MCTP2: variants seen among roughly 807,000 people sequenced by gnomAD.
MCTP2 encodes the protein multiple C2 and transmembrane domain containing 2, also known as multiple C2 and transmembrane domain-containing protein 2.
MCTP2 carries 132 observed loss-of-function variants against 111.6 expected under a neutral mutation model. That is an observed-to-expected ratio of 1.18 (90% CI 1.03 to 1.37). MCTP2 has a LOEUF of 1.37. MCTP2 is among the 40% of genes most tolerant of loss of function. The pLI is 0.00. For missense variants in MCTP2, 1,183 were observed against 1,067.9 expected, an observed-to-expected ratio of 1.11 and a Z score of -1.50; for synonymous variants, 395 against 387.7, an observed-to-expected ratio of 1.02 and a Z score of -0.22.
At chr15:94,395,577 T>C (rs1185539503) in intron 14 of MCTP2, among the ~76,000 whole-genome samples, 1 of 152,190 alleles carries the variant, frequency 6.6e-6, no homozygotes, top group Non-Finnish European at 1.5e-5. Context: ...CATGCTCACC[T>C]CTGTTATATG....
At chr15:94,468,381 G>A (rs2073594936) in intron 20 of MCTP2, among the ~76,000 whole-genome samples, 1 of 152,000 alleles carries the variant, frequency 6.6e-6, no homozygotes, top group Non-Finnish European at 1.5e-5. Context: ...TTAACTTGAA[G>A]AGATAAAGGT....
At chr15:94,235,259 A>G (rs2152207420) in intron 1 of MCTP2, among the ~76,000 whole-genome samples, 1 of 152,008 alleles carries the variant, frequency 6.6e-6, no homozygotes, top group South Asian at 2.1e-4. Flanking sequence ...CGTCTCAAAA[A>G]AAAAAAAAAA....
rs1368938012 is a variant in MCTP2 at position 94,476,704 on chromosome 15, AAATT to A, written c.2480_2483del (p.Lys827IlefsTer17). The A allele has an allele frequency of 6.4e-7, 1 of 1,572,768 alleles. No homozygotes were observed. The highest frequency in any genetic ancestry group is 1.1e-5 in the South Asian group (1 of 90,116). Reference sequence around the variant, plus strand: ...GTGTTTCTATTTTTCAGGCATAAATAAATTTACTAAGAAGCTTCGAAATCCCTAT... The same window carrying A: ...GTGTTTCTATTTTTCAGGCATAAATATACTAAGAAGCTTCGAAATCCCTAT... On this transcript the variant is annotated frameshift_variant, in exon 22 of 23. Coordinates refer to ENST00000357742, the MANE Select transcript of MCTP2 (RefSeq NM_001385001.1). LOFTEE classifies it high-confidence loss of function.
intron 7 of MCTP2, chr15:94,341,127 A>G (rs113714871): frequency 7.4e-5 from 38 of 513,162 alleles, no homozygotes; most frequent in African/African-American, 4.6e-4. Context: ...TTTGTTAAGG[A>G]ATTATTTCTT....
chr15:94,245,420 GTGTGTATATA>G (rs1567265287), intron 1 of MCTP2, among the ~76,000 whole-genome samples: 40 of 76,770 alleles, frequency 5.2e-4, no homozygotes, highest in African/African-American at 1.8e-3. Flanking sequence ...TTATATACAT[GTGTGTATATA>G]TTTATATATA....
intron 21 of MCTP2, among the ~76,000 whole-genome samples, chr15:94,476,039 A>G (rs1178780958): frequency 6.6e-6 from 1 of 152,240 alleles, no homozygotes; most frequent in African/African-American, 2.4e-5. Flanking sequence ...TTTGCCAATA[A>G]TAACTTTTCA....
At position 94,388,977 on chromosome 15, in the gene MCTP2, G is replaced by T. The variant is rs2080693494; in HGVS notation, c.1788+3452G>T. Among the ~76,000 whole-genome samples, 4 of 152,174 alleles carry T rather than the reference G, an allele frequency of 2.6e-5. No homozygotes were observed. The South Asian group carries it at 8.3e-4, about 32-fold the overall frequency. Reference sequence around the variant, plus strand: ...ACTGTGCTATGTGCCGTCAGGGTCGGGGTTGGGGGGTGGCAGGAGGGACAC... The same window carrying T: ...ACTGTGCTATGTGCCGTCAGGGTCGTGGTTGGGGGGTGGCAGGAGGGACAC... On this transcript the variant is annotated intron_variant, in intron 14 of 22. Transcript: ENST00000357742.
chr15:94,416,065 A>C (rs184744136), intron 17 of MCTP2, among the ~76,000 whole-genome samples: 1 of 152,180 alleles, frequency 6.6e-6, no homozygotes, highest in Admixed American at 6.6e-5. Context: ...CTTGCATTCC[A>C]CCTCGAGCAT....
chr15:94,275,878 C>T (rs1185358474), intron 1 of MCTP2, among the ~76,000 whole-genome samples: 9 of 138,326 alleles, frequency 6.5e-5, no homozygotes, highest in Non-Finnish European at 1.1e-4. Flanking sequence ...GATGGAGTCT[C>T]GCTCTGTTTC....
At chr15:94,397,285 A>G (rs2081326888) in intron 14 of MCTP2, among the ~76,000 whole-genome samples, 1 of 152,208 alleles carries the variant, frequency 6.6e-6, no homozygotes, top group South Asian at 2.1e-4. Flanking sequence ...CCAAATTAAA[A>G]AATCCCTTTG....
At chr15:94,399,231 C>G (rs1315164712) in intron 15 of MCTP2, among the ~76,000 whole-genome samples, 169 bp downstream of exon 15, 1 of 152,194 alleles carries the variant, frequency 6.6e-6, no homozygotes, top group Non-Finnish European at 1.5e-5. Context: ...CCCTCATCTC[C>G]TGCTTTCTTC....
chr15:94,477,022 C>T (rs1191959290), intron 22 of MCTP2, among the ~76,000 whole-genome samples: 1 of 152,180 alleles, frequency 6.6e-6, no homozygotes, highest in Non-Finnish European at 1.5e-5. Flanking sequence ...ATCTGGAACT[C>T]ACACTGTGTG....
intron 1 of MCTP2, among the ~76,000 whole-genome samples, chr15:94,288,304 T>C (rs2074860045): frequency 1.3e-5 from 2 of 152,192 alleles, no homozygotes; most frequent in Admixed American, 1.3e-4. Context: ...TGGGAAATGA[T>C]CAAATACATT....
At chr15:94,454,571 A>T (rs895815973) in intron 19 of MCTP2, among the ~76,000 whole-genome samples, 12 of 150,094 alleles carry the variant, frequency 8.0e-5, no homozygotes, top group African/African-American at 3.0e-4. Flanking sequence ...CAGTTAACTT[A>T]AACATTCTCC....
intron 17 of MCTP2, among the ~76,000 whole-genome samples, chr15:94,423,297 C>T (rs1670886538): frequency 6.6e-6 from 1 of 152,158 alleles, no homozygotes; most frequent in Non-Finnish European, 1.5e-5. Context: ...TTACCATTCC[C>T]ATTTCACAGA....
chr15:94,298,580 G>C lies in MCTP2; in HGVS notation c.315G>C (p.Trp105Cys), dbSNP rs758805407. 6.2e-7 allele frequency: 1 copy of C among 1,614,134 alleles called. No individual in the cohort carries two copies. The highest frequency in any genetic ancestry group is 1.1e-5 in the South Asian group (1 of 91,080). Reference protein sequence around the residue: ...SLKQSEEELDWSQEEASHLHV... With the variant: ...SLKQSEEELDCSQEEASHLHV... The stretch of plus-strand genomic sequence containing the variant: ...AACAGTCTGAAGAAGAATTGGATTG[G>C]AGCCAGGAAGAAGCCAGTCACCTCC... The change falls in exon 2 of 23, where the codon TGG becomes TGC. Residue 105 changes from tryptophan (W) to cysteine (C), a missense_variant. Coordinates refer to ENST00000357742, the MANE Select transcript of MCTP2 (RefSeq NM_001385001.1).
intron 8 of MCTP2, among the ~76,000 whole-genome samples, chr15:94,347,022 A>T (rs2078021385): frequency 6.6e-6 from 1 of 152,130 alleles, no homozygotes; most frequent in Non-Finnish European, 1.5e-5. Context: ...ATCCTAGATA[A>T]ATAAAGTTTA....
intron 17 of MCTP2, among the ~76,000 whole-genome samples, chr15:94,437,958 TAAA>T: frequency 6.6e-6 from 1 of 151,502 alleles, no homozygotes; most frequent in African/African-American, 2.4e-5. Context: ...AAAAAAAAAT[TAAA>T]AACAACAAAA....
chr15:94,435,696 A>G (rs1470677156), intron 17 of MCTP2, among the ~76,000 whole-genome samples: 1 of 122,258 alleles, frequency 8.2e-6, no homozygotes, highest in African/African-American at 3.0e-5. Context: ...CAGTGGCGCG[A>G]TCTCGGCTCA....
Sources: gnomAD v4.1 joint callset for allele counts (sites outside exome capture counted in the v4.1 genomes callset) on GRCh38, gnomAD v4.1.1 for gene constraint, MANE v1.5 for transcripts, NCBI Gene and HGNC (gene_info 2026-07-23, HGNC 2026-07-21) for gene names.